The following SLC7A14 variants were observed in gnomAD, a reference collection of about 807,000 sequenced individuals.
SLC7A14 encodes gamma-aminobutyric acid transporter SLC7A14.
A neutral mutation model predicts 60.2 loss-of-function variants in SLC7A14; 37 were observed. That is an observed-to-expected ratio of 0.61 (90% CI 0.47 to 0.81). SLC7A14 has a LOEUF of 0.81. Ranked by LOEUF, SLC7A14 falls within the 30% of genes least tolerant of loss-of-function variation. SLC7A14 has a pLI of 0.00. For synonymous variants in SLC7A14, 399 were observed against 395.8 expected (o/e 1.01, Z -0.10); for missense variants, 886 against 982.7 (o/e 0.90, Z 1.32).
At chr3:170,544,426 C>T (rs74586651) in intron 1 of SLC7A14, among the ~76,000 whole-genome samples, 2,363 of 152,214 alleles carry the variant, frequency 0.016, 63 homozygotes, top group African/African-American at 0.055. Flanking sequence ...ATCTGAGATC[C>T]AAATTATAGT....
At chr3:170,497,578 A>C (rs1287908627) in intron 4 of SLC7A14, among the ~76,000 whole-genome samples, 7 of 152,242 alleles carry the variant, frequency 4.6e-5, no homozygotes, top group Admixed American at 3.3e-4. Flanking sequence ...AGTTCTAGGC[A>C]GACTTGCCTC....
At chr3:170,539,195 C>G (rs1713939957) in intron 1 of SLC7A14, among the ~76,000 whole-genome samples, 1 of 152,258 alleles carries the variant, frequency 6.6e-6, no homozygotes, top group Admixed American at 6.5e-5. Flanking sequence ...ACACTGACTT[C>G]CTTTCCATTC....
At position 170,467,189 on chromosome 3, in the gene SLC7A14, C is replaced by T; in HGVS notation, c.2182G>A (p.Gly728Ser). The T allele has an allele frequency of 3.1e-6, 5 of 1,614,244 alleles. No homozygotes were observed. Among genetic ancestry groups the T allele is most frequent in the Non-Finnish European group, 4.2e-6 (5 of 1,180,054 alleles). Residue 728 changes from glycine (G) to serine (S), a missense_variant, in exon 8 of 8, where the codon GGC becomes AGC. Gly to Ser is a moderately conservative substitution (Grantham distance 56). Transcript: ENST00000231706. Reference sequence around the variant, plus strand: ...TCTGACATCTGTTGGTAATAGAAGCCTTTGTCTTCAGTGGGCCCGCCCCAG... The same window carrying T: ...TCTGACATCTGTTGGTAATAGAAGCTTTTGTCTTCAGTGGGCCCGCCCCAG... ...EDWGGPTEDK[G>S]FYYQQMSDAK...
At chr3:170,479,152 T>C (rs942221073) in intron 7 of SLC7A14, among the ~76,000 whole-genome samples, 14 of 150,596 alleles carry the variant, frequency 9.3e-5, no homozygotes, top group South Asian at 2.1e-4. Flanking sequence ...AACAAACAAA[T>C]AACAACAACA....
intron 4 of SLC7A14, among the ~76,000 whole-genome samples, chr3:170,491,445 G>A (rs10490803): frequency 0.12 from 18,510 of 152,130 alleles, 1,298 homozygotes; most frequent in Admixed American, 0.19. Flanking sequence ...TACCACATTA[G>A]GCAGTCAAGA....
chr3:170,561,352 T>C (rs1560281008), intron 1 of SLC7A14, among the ~76,000 whole-genome samples: 2 of 152,224 alleles, frequency 1.3e-5, no homozygotes, highest in South Asian at 4.1e-4. Context: ...ACAAAATATA[T>C]GTGCAGTTTT....
At chr3:170,490,162 T>C (rs1410917716) in intron 4 of SLC7A14, among the ~76,000 whole-genome samples, 1 of 152,212 alleles carries the variant, frequency 6.6e-6, no homozygotes. Context: ...CACGATGTGC[T>C]TATTTCACAT....
At chr3:170,495,563 GAGC>G in intron 4 of SLC7A14, 2 of 759,740 alleles carry the variant, frequency 2.6e-6, no homozygotes, top group South Asian at 1.4e-5. Flanking sequence ...TCTCCCGAGT[GAGC>G]AGCAGCAGCT....
At chr3:170,495,860 C>A in intron 4 of SLC7A14, 2 of 1,233,260 alleles carry the variant, frequency 1.6e-6, no homozygotes, top group Non-Finnish European at 2.4e-6. Context: ...TTGAGAGCTA[C>A]ATGAACAACC....
intron 1 of SLC7A14, among the ~76,000 whole-genome samples, chr3:170,577,939 A>T (rs955378406): frequency 1.3e-5 from 2 of 152,238 alleles, no homozygotes; most frequent in African/African-American, 2.4e-5. Context: ...TTTTCACAAC[A>T]TGATTTTGAA....
chr3:170,567,278 G>A (rs867291957), intron 1 of SLC7A14, among the ~76,000 whole-genome samples: 94 of 151,130 alleles, frequency 6.2e-4, no homozygotes, highest in African/African-American at 1.8e-3. Flanking sequence ...TTGTCCTTGC[G>A]ATAGTTTACT....
At position 170,467,283 on chromosome 3, in the gene SLC7A14, G is replaced by C; in HGVS notation, c.2088C>G (p.Tyr696Ter). Residue 696 changes from tyrosine to a stop codon, truncating the protein, a stop_gained, in exon 8 of 8, where the codon TAC (tyrosine) becomes TAG (stop). Coordinates refer to ENST00000231706, the MANE Select transcript of SLC7A14 (RefSeq NM_020949.3). LOFTEE classifies it high-confidence loss of function. ...EALHQSTYQR[Y>*]DVDDPFSVEE... Reference sequence around the variant, plus strand: ...CCACTGAGAAGGGGTCATCCACGTCGTAGCGTTGGTACGTGCTTTGGTGCA... The same window carrying C: ...CCACTGAGAAGGGGTCATCCACGTCCTAGCGTTGGTACGTGCTTTGGTGCA... 6.2e-7 allele frequency: 1 copy of C among 1,614,244 alleles called. No individual in the cohort carries two copies. The highest frequency in any genetic ancestry group is 8.5e-7 in the Non-Finnish European group (1 of 1,180,042).
At chr3:170,582,898 CA>C (rs953033246) in intron 1 of SLC7A14, among the ~76,000 whole-genome samples, 7 of 152,182 alleles carry the variant, frequency 4.6e-5, no homozygotes, top group African/African-American at 1.7e-4. Flanking sequence ...AACAGAACAT[CA>C]GGTTCTGCTG....
chr3:170,481,562 C>T (rs139422671), intron 6 of SLC7A14, among the ~76,000 whole-genome samples: 4,740 of 151,860 alleles, frequency 0.031, 99 homozygotes, highest in Middle Eastern at 0.075. Context: ...CCACTACACC[C>T]GGCTAATTTT....
In SLC7A14 at chr3:170,466,199, A is replaced by G. The variant is rs1040956354; in HGVS notation, c.*856T>C. On this transcript the variant is annotated 3_prime_UTR_variant, in exon 8 of 8. Coordinates refer to ENST00000231706, the MANE Select transcript of SLC7A14 (RefSeq NM_020949.3). ...AAATTTTTATCTGATTATAAAACAAACAACCTACTTTTTCAAGGCATATCA... is the reference window on the plus strand; with the variant it reads ...AAATTTTTATCTGATTATAAAACAAGCAACCTACTTTTTCAAGGCATATCA... 1 of 152,210 alleles carries G rather than the reference A, an allele frequency of 6.6e-6. No homozygotes were observed. The highest frequency in any genetic ancestry group is 2.4e-5 in the African/African-American group (1 of 41,446). The allele number at this position is 152,210 out of a possible 1,614,324, so 9.4% of individuals were successfully genotyped here. A position where few individuals can be genotyped will look rare whatever the true frequency, so the allele number is the denominator to read the frequency against.
At chr3:170,572,970 T>C (rs894263246) in intron 1 of SLC7A14, among the ~76,000 whole-genome samples, 1 of 152,172 alleles carries the variant, frequency 6.6e-6, no homozygotes, top group Non-Finnish European at 1.5e-5. Context: ...GAGGTAGCAA[T>C]GTTGCGTGAT....
intron 1 of SLC7A14, chr3:170,570,307 G>T (rs543694860): frequency 6.6e-6 from 1 of 152,386 alleles, no homozygotes. Context: ...AATTAGCCAG[G>T]TGTGGTGGCG....
At chr3:170,511,090 A>G (rs1356756086) in intron 2 of SLC7A14, among the ~76,000 whole-genome samples, 2 of 152,220 alleles carry the variant, frequency 1.3e-5, no homozygotes, top group Non-Finnish European at 2.9e-5. Flanking sequence ...GTGCCTGGGC[A>G]TACTAAGTAA....
intron 2 of SLC7A14, among the ~76,000 whole-genome samples, chr3:170,506,072 T>G (rs1038799030): frequency 3.3e-5 from 5 of 152,246 alleles, no homozygotes; most frequent in Non-Finnish European, 7.3e-5. Flanking sequence ...TCAAAAGTAC[T>G]TATTGATATA....
Sources: gnomAD v4.1 joint callset for allele counts (sites outside exome capture counted in the v4.1 genomes callset) on GRCh38, gnomAD v4.1.1 for gene constraint, MANE v1.5 for transcripts, NCBI Gene and HGNC (gene_info 2026-07-23, HGNC 2026-07-21) for gene names.